The following RAB11FIP3 variants were observed in gnomAD, a reference collection of about 807,000 sequenced individuals.
RAB11FIP3 encodes the protein RAB11 family interacting protein 3.
RAB11FIP3 carries 17 observed loss-of-function variants against 77.8 expected under a neutral mutation model. The observed-to-expected ratio is 0.22, with a 90% CI of 0.15 to 0.33. The LOEUF (loss-of-function observed/expected upper bound fraction) is 0.33, where lower values mean the gene tolerates loss of function less well. Among genes scored for constraint, RAB11FIP3 ranks in the 10% least tolerant of loss-of-function variants. RAB11FIP3 has a pLI of 1.00. For synonymous variants in RAB11FIP3, 437 were observed against 448.2 expected (o/e 0.98, Z 0.31); for missense variants, 1,005 against 1,011.2 (o/e 0.99, Z 0.08).
rs1331744687 is a variant in RAB11FIP3, at chr16:426,041, C to G, written c.35C>G (p.Ser12Trp). The change falls in exon 1 of 14, where the codon TCG becomes TGG. Residue 12 changes from serine to tryptophan, a missense_variant. By Grantham distance (177) the Ser-to-Trp change is radical. This residue lies in a region of RAB11FIP3 where 466 missense variants were observed against 408.3 expected (regional missense o/e 1.14). Transcript: ENST00000262305. The surrounding 1 kb of genome is among the most constrained non-coding windows in gnomAD (Gnocchi z 5.0). Reference sequence around the variant, plus strand: ...GCCCCGCCGGCCTCGCCCCCGGGCTCGGAGCCGCCGGGGCCCGACCCGGAG... The same window carrying G: ...GCCCCGCCGGCCTCGCCCCCGGGCTGGGAGCCGCCGGGGCCCGACCCGGAG... ...ASAPPASPPG[S>W]EPPGPDPEPG... is the part of the protein sequence containing the mutation. The G allele has an allele frequency of 2.8e-5, 28 of 996,254 alleles. No individual in the cohort carries two copies. Among genetic ancestry groups the G allele is most frequent in the Non-Finnish European group, 3.3e-5 (28 of 838,888 alleles). The allele number at this position is 996,254 out of a possible 1,614,324, so 61.7% of individuals were successfully genotyped here. A position where few individuals can be genotyped will look rare whatever the true frequency, so the allele number is the denominator to read the frequency against.
rs149810973 is a variant in RAB11FIP3, at chr16:488,855, C to A, written c.1120C>A (p.His374Asn). ...CATTTCTGTTTTACTTTGCAGGCCT[C>A]ACCCCCATGGCCAGTCTGTCATCAC... is the stretch of plus-strand genomic sequence containing the variant. ...GALLLLPGRP[H>N]PHGQSVITVI... The change falls in exon 5 of 14, where the codon CAC becomes AAC. Residue 374 changes from histidine to asparagine, a missense_variant. His to Asn is a moderately conservative substitution (Grantham distance 68). Around this residue, in one of 4 missense-constraint regions of RAB11FIP3, gnomAD observed 433 missense variants for 436.1 expected, o/e 0.99. Coordinates refer to ENST00000262305, the MANE Select transcript of RAB11FIP3 (RefSeq NM_014700.4). 1.8e-5 allele frequency: 29 copies of A among 1,613,654 alleles called. No homozygotes were observed. The highest frequency in any genetic ancestry group is 2.4e-5 in the Non-Finnish European group (28 of 1,179,848).
chr16:493,056 G>C (rs555079321), intron 5 of RAB11FIP3, among the ~76,000 whole-genome samples: 1 of 152,214 alleles, frequency 6.6e-6, no homozygotes, highest in East Asian at 1.9e-4. Context: ...TTTGAGACCA[G>C]CCTGGCCAAC....
intron 1 of RAB11FIP3, among the ~76,000 whole-genome samples, chr16:452,579 C>T (rs1242156674): frequency 8.8e-5 from 13 of 147,602 alleles, no homozygotes; most frequent in Admixed American, 2.0e-4. Context: ...GGACTACAGG[C>T]GCCCGCCACC....
intron 5 of RAB11FIP3, among the ~76,000 whole-genome samples, chr16:492,398 G>GGAGACCCGAGGCCGCCCAGAGCCCTCCCC (rs1567392041): frequency 2.2e-5 from 3 of 135,230 alleles, no homozygotes. Flanking sequence ...AGCCCTCCCC[G>GGAGACCCGAGGCCGCCCAGAGCCCTCCCC]GGAGACCCGA....
intron 5 of RAB11FIP3, among the ~76,000 whole-genome samples, chr16:492,091 C>T (rs1023112654): frequency 4.6e-5 from 7 of 152,240 alleles, no homozygotes; most frequent in Non-Finnish European, 4.4e-5. Context: ...TGCCCTGTCC[C>T]TGCCCCAGGG....
intron 5 of RAB11FIP3, 77 bp downstream of exon 5, chr16:489,077 T>C: frequency 6.8e-7 from 1 of 1,463,024 alleles, no homozygotes; most frequent in Non-Finnish European, 9.0e-7. Context: ...CCTTTTTGGT[T>C]CGTGCATTGG....
In RAB11FIP3 at chr16:510,688, G is replaced by A; in HGVS notation, c.1528G>A (p.Glu510Lys). ...AAACGCCCTGGAGGAGCAGCTGAAG[G>A]AGCAGGAGCTGAGAGCCTGCGAGAT... is the stretch of plus-strand genomic sequence containing the variant. ...RANALEEQLK[E>K]QELRACEMVL... The change falls in exon 9 of 14, where the codon GAG (glutamate) becomes AAG (lysine). Residue 510 changes from glutamate (E) to lysine (K), a missense_variant. By Grantham distance (56) the Glu-to-Lys change is moderately conservative. Coordinates refer to ENST00000262305, the MANE Select transcript of RAB11FIP3 (RefSeq NM_014700.4). The A allele has an allele frequency of 6.2e-7, 1 of 1,611,278 alleles. No homozygotes were observed. The highest frequency in any genetic ancestry group is 8.5e-7 in the Non-Finnish European group (1 of 1,179,128).
At chr16:432,049 G>A (rs1019410891) in intron 1 of RAB11FIP3, among the ~76,000 whole-genome samples, 6 of 152,038 alleles carry the variant, frequency 3.9e-5, no homozygotes, top group African/African-American at 1.4e-4. Flanking sequence ...GAGCTATGGC[G>A]CCCAGTGAAG....
intron 2 of RAB11FIP3, among the ~76,000 whole-genome samples, chr16:464,802 A>G (rs2055674065): frequency 1.3e-5 from 2 of 152,206 alleles, no homozygotes; most frequent in Admixed American, 6.5e-5. Flanking sequence ...TTGAGGTGGG[A>G]GCATCCCAGG....
Position 505,030 on chromosome 16 carries a change from C to G in RAB11FIP3, c.1396-494C>G, listed in dbSNP as rs112660880. On this transcript the variant is annotated intron_variant, in intron 7 of 13. Transcript: ENST00000262305. The surrounding 1 kb of genome is among the most constrained non-coding windows in gnomAD (Gnocchi z 4.0). ...CAACTTCTCTAGCATCTCAAGTCTG[C>G]TGACCCAGGCCAAGTCCTCCTCTGC... Among the ~76,000 whole-genome samples the G allele has an allele frequency of 4.3e-3, 635 of 148,616 alleles. 3 individuals carry two copies. The highest frequency in any genetic ancestry group is 0.015 in the African/African-American group (600 of 39,948).
intron 1 of RAB11FIP3, among the ~76,000 whole-genome samples, chr16:446,892 G>A (rs1395878365): frequency 6.6e-6 from 1 of 151,950 alleles, no homozygotes; most frequent in Non-Finnish European, 1.5e-5. Context: ...GTAGATTCGG[G>A]GTTTCACCAT....
intron 1 of RAB11FIP3, among the ~76,000 whole-genome samples, chr16:454,236 A>G (rs1047399063): frequency 2.8e-4 from 42 of 152,260 alleles, no homozygotes; most frequent in African/African-American, 8.9e-4. Flanking sequence ...AACCCCCTAT[A>G]AAGTTGCTTG....
chr16:457,948 A>T (rs2055530175), intron 1 of RAB11FIP3, among the ~76,000 whole-genome samples: 1 of 152,224 alleles, frequency 6.6e-6, no homozygotes, highest in African/African-American at 2.4e-5. Flanking sequence ...TATAAACTCC[A>T]GTTGTCTCCA....
Position 425,695 on chromosome 16 carries a change from G to C in RAB11FIP3, c.-312G>C. 1 of 272,954 alleles carries C rather than the reference G, an allele frequency of 3.7e-6. No homozygotes were observed. Among genetic ancestry groups the C allele is most frequent in the Non-Finnish European group, 6.9e-6 (1 of 144,772 alleles). 16.9% of individuals were successfully genotyped at this position (272,954 alleles called of 1,614,324 possible). On this transcript the variant is annotated 5_prime_UTR_variant, in exon 1 of 14. Transcript: ENST00000262305. ...CTGCTTCACAGGCTCCGCGGCCTCCGGCCTCCTCGGCCCCCGTCCCCCGGC... is the reference window on the plus strand; with the variant it reads ...CTGCTTCACAGGCTCCGCGGCCTCCCGCCTCCTCGGCCCCCGTCCCCCGGC...
At chr16:483,231 G>A (rs1335279225) in intron 4 of RAB11FIP3, among the ~76,000 whole-genome samples, 1 of 152,162 alleles carries the variant, frequency 6.6e-6, no homozygotes, top group African/African-American at 2.4e-5. Context: ...TGCTTTCCGT[G>A]TTGCCCCTGC....
At chr16:455,304 AC>A (rs2055483592) in intron 1 of RAB11FIP3, among the ~76,000 whole-genome samples, 1 of 150,862 alleles carries the variant, frequency 6.6e-6, no homozygotes, top group African/African-American at 2.4e-5. Context: ...ACATGGCGAA[AC>A]CCCGTCTCTA....
chr16:467,066 C>T (rs918018570), intron 2 of RAB11FIP3, among the ~76,000 whole-genome samples: 7 of 152,144 alleles, frequency 4.6e-5, no homozygotes, highest in Non-Finnish European at 7.3e-5. Context: ...GGACGTAGCA[C>T]GAAACGGCAG....
At chr16:459,873 G>GTT (rs2055574295) in intron 1 of RAB11FIP3, among the ~76,000 whole-genome samples, 1 of 135,250 alleles carries the variant, frequency 7.4e-6, no homozygotes, top group African/African-American at 2.7e-5. Flanking sequence ...AAATTGAGTT[G>GTT]TCTTTTTTTT....
rs1424726375 is a variant in RAB11FIP3, at chr16:472,924, A to G, written c.903+1535A>G. 6.6e-6 allele frequency among the ~76,000 whole-genome samples: 1 copy of G among 152,212 alleles called. No individual in the cohort carries two copies. The highest frequency in any genetic ancestry group is 1.5e-5 in the Non-Finnish European group (1 of 68,028). ...GGGAGAGACACACAGGGGGAAGACC[A>G]TAGGAAGACAGGGCAGAGACTGACC... On this transcript the variant is annotated intron_variant, in intron 3 of 13. Coordinates refer to ENST00000262305, the MANE Select transcript of RAB11FIP3 (RefSeq NM_014700.4). The surrounding 1 kb of genome is among the most constrained non-coding windows in gnomAD (Gnocchi z 4.1).
Sources: allele counts gnomAD v4.1 joint callset (sites outside exome capture counted in the v4.1 genomes callset), GRCh38; gene constraint gnomAD v4.1.1; regional missense constraint gnomAD v4.1.1; non-coding constraint Gnocchi (gnomAD v3.1); transcripts MANE v1.5; gene names NCBI Gene and HGNC (gene_info 2026-07-23, HGNC 2026-07-21).